Variants in MYO10 observed in about 807,000 individuals in gnomAD.
The protein encoded by MYO10 is myosin X.
MYO10 carries 133 observed loss-of-function variants against 257.3 expected under a neutral mutation model. That is an observed-to-expected ratio of 0.52 (90% confidence interval 0.45 to 0.60). The LOEUF is 0.60. Ranked by LOEUF, MYO10 falls within the 20% of genes least tolerant of loss-of-function variation. The probability of loss-of-function intolerance (pLI) is 0.00; values close to 1 mark genes in which losing one functional copy is unlikely to be tolerated. For missense variants in MYO10, 2,399 were observed against 2,635.7 expected (o/e 0.91, Z 1.97); for synonymous variants, 1,104 against 1,028.6 (o/e 1.07, Z -1.40).
intron 1 of MYO10, among the ~76,000 whole-genome samples, chr5:16,917,649 A>G (rs1024157852): frequency 6.6e-6 from 1 of 151,662 alleles, no homozygotes; most frequent in Non-Finnish European, 1.5e-5. Context: ...ACTGGAACCC[A>G]GAAGCTCAAG....
chr5:16,724,199 A>T (rs964159169), intron 19 of MYO10, among the ~76,000 whole-genome samples: 2 of 152,232 alleles, frequency 1.3e-5, no homozygotes, highest in African/African-American at 4.8e-5. Flanking sequence ...TATAGAGTCT[A>T]TAAGACTAAA....
chr5:16,686,054 C>CT (rs1737239717), intron 28 of MYO10, among the ~76,000 whole-genome samples: 1 of 152,152 alleles, frequency 6.6e-6, no homozygotes, highest in Non-Finnish European at 1.5e-5. Context: ...TATGTTCTAA[C>CT]TTTAGGTCAA....
chr5:16,760,474 C>A (rs1452261550), intron 17 of MYO10, among the ~76,000 whole-genome samples: 23 of 147,104 alleles, frequency 1.6e-4, no homozygotes, highest in African/African-American at 3.7e-4. Context: ...AAAAAAAAAA[C>A]AAACCAAAAA....
At chr5:16,794,198 T>A (rs903207448) in intron 4 of MYO10, among the ~76,000 whole-genome samples, 2 of 151,888 alleles carry the variant, frequency 1.3e-5, no homozygotes, top group Non-Finnish European at 2.9e-5. Context: ...CTATCTAGAG[T>A]TATTTTATTG....
intron 1 of MYO10, among the ~76,000 whole-genome samples, chr5:16,891,566 A>C (rs1451690255): frequency 6.6e-6 from 1 of 152,148 alleles, no homozygotes; most frequent in Non-Finnish European, 1.5e-5. Context: ...TGGTTGTACA[A>C]TCTTGTGAAG....
intron 3 of MYO10, among the ~76,000 whole-genome samples, chr5:16,807,476 C>A (rs1262858524): frequency 6.6e-6 from 1 of 152,094 alleles, no homozygotes; most frequent in Non-Finnish European, 1.5e-5. Context: ...CATCCACCAC[C>A]CTGTGACCAA....
intron 21 of MYO10, among the ~76,000 whole-genome samples, chr5:16,706,821 CT>C (rs1738367833): frequency 6.6e-6 from 1 of 152,158 alleles, no homozygotes; most frequent in Non-Finnish European, 1.5e-5. Context: ...TTACATTCTC[CT>C]TCACCAACCT....
At chr5:16,714,640 A>G (rs1738768794) in intron 19 of MYO10, among the ~76,000 whole-genome samples, 1 of 152,230 alleles carries the variant, frequency 6.6e-6, no homozygotes, top group South Asian at 2.1e-4. Flanking sequence ...TAACAGGGTG[A>G]AACCCCGTCT....
intron 2 of MYO10, among the ~76,000 whole-genome samples, chr5:16,822,005 GA>G (rs1742835166): frequency 6.6e-6 from 1 of 151,310 alleles, no homozygotes; most frequent in Non-Finnish European, 1.5e-5. Flanking sequence ...GAATAGTAGA[GA>G]AAAATGTATT....
chr5:16,847,493 G>A (rs561001213), intron 2 of MYO10, among the ~76,000 whole-genome samples: 1 of 152,210 alleles, frequency 6.6e-6, no homozygotes, highest in Admixed American at 6.5e-5. Context: ...AGCACTTTGG[G>A]AGGCTGAGGC....
At chr5:16,823,451 G>C (rs1284564784) in intron 2 of MYO10, among the ~76,000 whole-genome samples, 2 of 17,960 alleles carry the variant, frequency 1.1e-4, no homozygotes, top group East Asian at 3.2e-3. Flanking sequence ...TCTTGCGCGG[G>C]GGGGGGGGGA....
chr5:16,703,254 C>A, intron 22 of MYO10, 96 bp from the exon 23 acceptor site: 1 of 937,708 alleles, frequency 1.1e-6, no homozygotes. Context: ...CAAAAGAGGA[C>A]CCAGTTTTAG....
chr5:16,817,790 C>T (rs1057408560), intron 3 of MYO10, among the ~76,000 whole-genome samples: 1 of 152,150 alleles, frequency 6.6e-6, no homozygotes, highest in African/African-American at 2.4e-5. Context: ...GCAGAAGGCC[C>T]TTCCACAGAA....
At chr5:16,734,353 C>T (rs1739704436) in intron 19 of MYO10, among the ~76,000 whole-genome samples, 1 of 152,170 alleles carries the variant, frequency 6.6e-6, no homozygotes, top group Non-Finnish European at 1.5e-5. Flanking sequence ...ACGCCTACCC[C>T]AAAATGAACG....
intron 2 of MYO10, among the ~76,000 whole-genome samples, chr5:16,856,097 C>G (rs758145097): frequency 6.6e-6 from 1 of 152,200 alleles, no homozygotes; most frequent in South Asian, 2.1e-4. Flanking sequence ...AGATTGCACA[C>G]GCCTGCATTC....
rs3860136 is a variant in MYO10, at chr5:16,704,697, G to A, written c.2170-12C>T. ...TCTCGAAGAAAGACCTGCTCAGGAC[G>A]GAGTCACATGTCAGAAGCAAAGAAC... is the stretch of plus-strand genomic sequence containing the variant. On this transcript the variant is annotated splice_polypyrimidine_tract_variant and intron_variant, in intron 21 of 40. Coordinates refer to ENST00000513610, the MANE Select transcript of MYO10 (RefSeq NM_012334.3). The A allele has an allele frequency of 0.24, 388,191 of 1,605,686 alleles. 49,160 individuals are homozygous for A. Among genetic ancestry groups the A allele is most frequent in the Admixed American group, 0.26 (15,695 of 59,730 alleles).
At chr5:16,818,427 C>CAT in intron 2 of MYO10, among the ~76,000 whole-genome samples, 1 of 139,134 alleles carries the variant, frequency 7.2e-6, no homozygotes, top group South Asian at 2.4e-4. Flanking sequence ...TATATATATA[C>CAT]ACATATCTTT....
chr5:16,874,332 TA>T (rs1201250739), intron 2 of MYO10, among the ~76,000 whole-genome samples: 31 of 59,518 alleles, frequency 5.2e-4, no homozygotes, highest in Admixed American at 1.2e-3. Context: ...AGACTCCATC[TA>T]AAAAAAAAAG....
rs550678442 is a variant in MYO10, at chr5:16,830,215, G to A, written c.121-12048C>T. On this transcript the variant is annotated intron_variant, in intron 2 of 40. Coordinates refer to ENST00000513610, the MANE Select transcript of MYO10 (RefSeq NM_012334.3). ...TGTGCCACTGCACTCCAGCCTGGGC[G>A]ACAGAGGGAGACTCCATCTCAAAAA... Among the ~76,000 whole-genome samples, 7 of 151,644 alleles carry A rather than the reference G, an allele frequency of 4.6e-5. No individual in the cohort carries two copies. The East Asian group carries it at 1.4e-3, about 29-fold the overall frequency.
Sources: allele counts gnomAD v4.1 joint callset (sites outside exome capture counted in the v4.1 genomes callset), GRCh38; gene constraint gnomAD v4.1.1; transcripts MANE v1.5; gene names NCBI Gene and HGNC (gene_info 2026-07-23, HGNC 2026-07-21).